Variants in PTPN9 observed in about 807,000 individuals in gnomAD.
The protein encoded by PTPN9 is tyrosine-protein phosphatase non-receptor type 9.
In PTPN9, 26 loss-of-function variants were observed where a neutral mutation model predicts 69.8. The observed-to-expected ratio is 0.37, with a 90% CI of 0.27 to 0.52. The LOEUF is 0.52. PTPN9 is among the 20% of genes least tolerant of loss of function. PTPN9 has a pLI of 0.91. For missense variants in PTPN9, 549 were observed against 740.3 expected, an observed-to-expected ratio of 0.74 and a Z score of 3.00; for synonymous variants, 274 against 272.5, an observed-to-expected ratio of 1.01 and a Z score of -0.05.
chr15:75,574,113 G>A (rs752108733), intron 1 of PTPN9, among the ~76,000 whole-genome samples: 2 of 152,032 alleles, frequency 1.3e-5, no homozygotes, highest in Non-Finnish European at 2.9e-5. Context: ...TAGATATATA[G>A]CCTACATTCA....
chr15:75,480,972 G>C (rs1398642197), intron 8 of PTPN9: 1 of 168,718 alleles, frequency 5.9e-6, no homozygotes, highest in Non-Finnish European at 1.1e-5. Flanking sequence ...TGGCTGCCCA[G>C]TCTGGAAAGT....
intron 1 of PTPN9, among the ~76,000 whole-genome samples, chr15:75,564,832 G>A (rs1000572965): frequency 6.6e-6 from 1 of 151,798 alleles, no homozygotes; most frequent in African/African-American, 2.4e-5. Flanking sequence ...GGCTGGGCAC[G>A]GTGGCTCACG....
At chr15:75,504,758 A>G (rs2074806662) in intron 7 of PTPN9, among the ~76,000 whole-genome samples, 1 of 139,070 alleles carries the variant, frequency 7.2e-6, no homozygotes, top group Non-Finnish European at 1.5e-5. Flanking sequence ...GGAAGTGAGG[A>G]GCCCCTCTGC....
intron 1 of PTPN9, among the ~76,000 whole-genome samples, chr15:75,545,778 G>A (rs571595091): frequency 2.7e-4 from 41 of 152,148 alleles, no homozygotes; most frequent in African/African-American, 9.2e-4. Flanking sequence ...GCGAAACCCC[G>A]TCTCTACTAA....
At chr15:75,513,570 C>G (rs901744858) in intron 5 of PTPN9, 2 of 356,620 alleles carry the variant, frequency 5.6e-6, no homozygotes, top group African/African-American at 4.3e-5. Flanking sequence ...AGTTCGAGAC[C>G]AGCCTGGCCA....
At chr15:75,530,819 A>G (rs2074959765) in intron 1 of PTPN9, among the ~76,000 whole-genome samples, 1 of 98,598 alleles carries the variant, frequency 1.0e-5, no homozygotes, top group African/African-American at 4.1e-5. Flanking sequence ...ATATCATAAT[A>G]TAATATAATA....
rs1463362153 is a variant in PTPN9 at position 75,490,080 on chromosome 15, A to G, written c.1062+128T>C. On this transcript the variant is annotated intron_variant, in intron 8 of 12. Transcript: ENST00000618819. ...GTCACAGACTAGTATGTAGCAAAAT[A>G]TAAACTCAAACCTAATCTCTCTGGC... 1.8e-5 allele frequency: 14 copies of G among 761,084 alleles called. 1 individual carries two copies. In the East Asian group the frequency reaches 3.5e-4, roughly 19 times the overall value. 47.1% of individuals were successfully genotyped at this position (761,084 alleles called of 1,614,324 possible). A position where few individuals can be genotyped will look rare whatever the true frequency, so the allele number is the denominator to read the frequency against.
chr15:75,523,280 C>A, intron 3 of PTPN9, 35 bp from the exon 4 acceptor site: 1 of 1,603,292 alleles, frequency 6.2e-7, no homozygotes, highest in South Asian at 1.1e-5. Flanking sequence ...TTAAAAAAAT[C>A]AAATAGAAAA....
chr15:75,481,899 C>G (rs900366265), intron 8 of PTPN9, among the ~76,000 whole-genome samples: 4 of 146,514 alleles, frequency 2.7e-5, no homozygotes, highest in Admixed American at 6.8e-5. Flanking sequence ...TCTGCCCGGC[C>G]GCCCCTACTG....
At chr15:75,578,632 G>A in intron 1 of PTPN9, 82 bp downstream of exon 1, 1 of 1,137,920 alleles carries the variant, frequency 8.8e-7, no homozygotes, top group South Asian at 2.8e-5. Context: ...TGGCTGCAAA[G>A]AGCCGGCACT....
chr15:75,471,141 A>G (rs1439361213), intron 10 of PTPN9, among the ~76,000 whole-genome samples: 1 of 152,230 alleles, frequency 6.6e-6, no homozygotes, highest in Non-Finnish European at 1.5e-5. Context: ...AACAGAGACA[A>G]AAACAGTATA....
intron 7 of PTPN9, among the ~76,000 whole-genome samples, chr15:75,497,375 C>T (rs1169961695): frequency 6.6e-6 from 1 of 151,994 alleles, no homozygotes; most frequent in Admixed American, 6.6e-5. Context: ...ACTTCTTGTC[C>T]CAGCTACTAG....
chr15:75,482,564 CAAAAAAAA>C (rs145653223), intron 8 of PTPN9, among the ~76,000 whole-genome samples: 16 of 35,408 alleles, frequency 4.5e-4, no homozygotes, highest in East Asian at 2.4e-3. Flanking sequence ...GACTCCGTCT[CAAAAAAAA>C]AAAAAAAAAA....
At chr15:75,480,678 C>T (rs1460683096) in intron 8 of PTPN9, 3 of 1,262,030 alleles carry the variant, frequency 2.4e-6, no homozygotes, top group African/African-American at 3.2e-5. Flanking sequence ...GGAGCCGCTG[C>T]CGCGACCGAC....
At chr15:75,525,345 C>A (rs2074922821) in intron 2 of PTPN9, among the ~76,000 whole-genome samples, 1 of 151,766 alleles carries the variant, frequency 6.6e-6, no homozygotes, top group African/African-American at 2.4e-5. Flanking sequence ...AGGCACGTGC[C>A]ACCATGCCTG....
At chr15:75,501,800 A>C (rs2074774082) in intron 7 of PTPN9, among the ~76,000 whole-genome samples, 1 of 152,144 alleles carries the variant, frequency 6.6e-6, no homozygotes, top group African/African-American at 2.4e-5. Context: ...CACTAGCTGG[A>C]GAGAAAGAGA....
chr15:75,501,010 C>T (rs1345819289), intron 7 of PTPN9, among the ~76,000 whole-genome samples: 1 of 151,982 alleles, frequency 6.6e-6, no homozygotes, highest in Non-Finnish European at 1.5e-5. Flanking sequence ...AGAATAATTT[C>T]CCTTGTTGAT....
chr15:75,520,888 C>T (rs1479472099), intron 4 of PTPN9, among the ~76,000 whole-genome samples: 1 of 152,080 alleles, frequency 6.6e-6, no homozygotes. Flanking sequence ...ACTGTAGCCT[C>T]GACCTCCCAG....
At chr15:75,515,192 C>A (rs1254533568) in intron 5 of PTPN9, among the ~76,000 whole-genome samples, 5 of 151,994 alleles carry the variant, frequency 3.3e-5, no homozygotes, top group Admixed American at 1.3e-4. Flanking sequence ...CTTTGGGAGG[C>A]TGAGGCGGGC....
Sources: allele counts gnomAD v4.1 joint callset (sites outside exome capture counted in the v4.1 genomes callset), GRCh38; gene constraint gnomAD v4.1.1; transcripts MANE v1.5; gene names NCBI Gene and HGNC (gene_info 2026-07-23, HGNC 2026-07-21).